CTNNA2: variants seen among roughly 807,000 people sequenced by gnomAD.
The protein encoded by CTNNA2 is catenin alpha 2, also known as catenin alpha-2.
CTNNA2 carries 42 observed loss-of-function variants against 101.0 expected under a neutral mutation model. The ratio of observed to expected loss-of-function variants is 0.42; its 90% CI spans 0.32 to 0.54. CTNNA2 has a LOEUF of 0.54. Among genes scored for constraint, CTNNA2 ranks in the 20% least tolerant of loss-of-function variants. CTNNA2 has a pLI of 0.14. For synonymous variants in CTNNA2, 450 were observed against 456.4 expected (o/e 0.99, Z 0.18); for missense variants, 871 against 1,223.1 (o/e 0.71, Z 4.29).
At chr2:79,404,234 A>C (rs745464787) in intron 4 of CTNNA2, among the ~76,000 whole-genome samples, 5 of 152,010 alleles carry the variant, frequency 3.3e-5, no homozygotes, top group Non-Finnish European at 7.4e-5. Context: ...GGTTGTCATA[A>C]ACTTTGGGTC....
intron 3 of CTNNA2, among the ~76,000 whole-genome samples, chr2:79,765,484 A>T (rs1480776478): frequency 2.0e-5 from 3 of 152,168 alleles, no homozygotes; most frequent in Non-Finnish European, 4.4e-5. Context: ...AGCTTGTTAA[A>T]GTATAAATTC....
In CTNNA2 at chr2:79,829,333, A is replaced by G. The variant is rs560298844; in HGVS notation, c.299-28680A>G. 5.4e-5 allele frequency among the ~76,000 whole-genome samples: 8 copies of G among 149,366 alleles called. No individual in the cohort carries two copies. In the South Asian group the frequency reaches 1.5e-3, roughly 28 times the overall value. On this transcript the variant is annotated intron_variant, in intron 3 of 18. Transcript: ENST00000402739. ...GGAGTTGGAGACCAGCCTGGCTAAT[A>G]TGGTGAAACCCCGTCTCAACTAAAA...
intron 2 of CTNNA2, among the ~76,000 whole-genome samples, chr2:79,243,996 G>A (rs1674666453): frequency 6.6e-6 from 1 of 152,112 alleles, no homozygotes; most frequent in South Asian, 2.1e-4. Context: ...CATGTGGCAA[G>A]AGGGTGATGT....
chr2:80,031,406 G>A (rs1261364467), intron 7 of CTNNA2, among the ~76,000 whole-genome samples: 2 of 152,158 alleles, frequency 1.3e-5, no homozygotes, highest in African/African-American at 2.4e-5. Context: ...CATGGTGGAA[G>A]GCAAGGAGCA....
chr2:79,362,098 C>T (rs4852475), intron 3 of CTNNA2, among the ~76,000 whole-genome samples: 117,014 of 152,088 alleles, frequency 0.77, 45,329 homozygotes, highest in East Asian at 0.96. Flanking sequence ...AATGTCCCAT[C>T]TGGAGCTTAT....
chr2:80,115,047 G>C (rs1010816001), intron 7 of CTNNA2, among the ~76,000 whole-genome samples: 6 of 152,184 alleles, frequency 3.9e-5, no homozygotes, highest in Admixed American at 3.9e-4. Flanking sequence ...AAGGCAATAA[G>C]CAGCTAATGT....
At chr2:80,071,878 G>A (rs1698366322) in intron 7 of CTNNA2, among the ~76,000 whole-genome samples, 1 of 152,122 alleles carries the variant, frequency 6.6e-6, no homozygotes, top group Non-Finnish European at 1.5e-5. Flanking sequence ...CTCGGATTTG[G>A]GGAAAACTTG....
At chr2:80,181,744 T>G (rs1363217503) in intron 7 of CTNNA2, among the ~76,000 whole-genome samples, 1 of 152,230 alleles carries the variant, frequency 6.6e-6, no homozygotes, top group Non-Finnish European at 1.5e-5. Flanking sequence ...GTATTATGTA[T>G]AGAGTCACTG....
At chr2:80,313,041 A>G (rs1483830011) in intron 7 of CTNNA2, among the ~76,000 whole-genome samples, 2 of 152,244 alleles carry the variant, frequency 1.3e-5, no homozygotes, top group East Asian at 3.9e-4. Context: ...TAAATTAAAT[A>G]TAAAAACCTC....
intron 11 of CTNNA2, among the ~76,000 whole-genome samples, chr2:80,549,523 A>G (rs924415236): frequency 1.3e-5 from 2 of 152,202 alleles, no homozygotes; most frequent in Non-Finnish European, 2.9e-5. Context: ...GAAGTTTACA[A>G]TAAAATATGT....
chr2:80,302,680 G>A lies in CTNNA2; in HGVS notation c.1057-90531G>A, dbSNP rs751171315. The stretch of plus-strand genomic sequence containing the variant: ...TGGCAGGGGGCCCCAGATCACTGCG[G>A]TTGGTGACGGCCGAGAGCAGGTGGC... On this transcript the variant is annotated intron_variant, in intron 7 of 18. Transcript: ENST00000402739. The surrounding 1 kb of genome is among the most constrained non-coding windows in gnomAD (Gnocchi z 6.4). 17 of 1,612,084 alleles carry A rather than the reference G, an allele frequency of 1.1e-5. No homozygotes were observed. The Admixed American group carries it at 2.7e-4, about 25-fold the overall frequency.
chr2:79,981,134 G>C (rs970300405), intron 7 of CTNNA2, among the ~76,000 whole-genome samples: 8 of 152,078 alleles, frequency 5.3e-5, no homozygotes, highest in African/African-American at 1.9e-4. Flanking sequence ...GAAAGAGCTT[G>C]AGTTGCACTT....
At chr2:80,484,065 T>A (rs1686355690) in intron 9 of CTNNA2, among the ~76,000 whole-genome samples, 2 of 152,184 alleles carry the variant, frequency 1.3e-5, no homozygotes, top group Admixed American at 6.5e-5. Context: ...TTGAAGAATG[T>A]TCACTAATGA....
At chr2:80,593,078 T>C (rs916957173) in intron 15 of CTNNA2, among the ~76,000 whole-genome samples, 3 of 152,166 alleles carry the variant, frequency 2.0e-5, no homozygotes, top group Non-Finnish European at 4.4e-5. Context: ...GACTTGATGC[T>C]CTTTCCAAGG....
intron 3 of CTNNA2, among the ~76,000 whole-genome samples, chr2:79,359,872 G>A (rs11897194): frequency 0.28 from 42,937 of 152,002 alleles, 6,320 homozygotes; most frequent in Middle Eastern, 0.44. Context: ...AATCTGTAAG[G>A]TCAAACTGTT....
intron 7 of CTNNA2, among the ~76,000 whole-genome samples, chr2:79,971,206 A>G (rs73938435): frequency 0.012 from 1,837 of 152,270 alleles, 38 homozygotes; most frequent in African/African-American, 0.041. Flanking sequence ...TGTAAACTCA[A>G]AAGCAAATGT....
At chr2:79,601,618 T>C (rs143387162) in intron 1 of CTNNA2, among the ~76,000 whole-genome samples, 128 of 152,312 alleles carry the variant, frequency 8.4e-4, no homozygotes, top group Non-Finnish European at 1.5e-3. Flanking sequence ...CATTTACTAG[T>C]ACAAATATTC....
At chr2:79,600,070 G>A (rs892673958) in intron 1 of CTNNA2, among the ~76,000 whole-genome samples, 6 of 152,086 alleles carry the variant, frequency 3.9e-5, no homozygotes, top group Non-Finnish European at 1.5e-5. Flanking sequence ...CAAATTAAGC[G>A]CTAATTACGC....
At chr2:80,036,057 A>C (rs373804085) in intron 7 of CTNNA2, among the ~76,000 whole-genome samples, 1 of 152,296 alleles carries the variant, frequency 6.6e-6, no homozygotes, top group African/African-American at 2.4e-5. Context: ...TTGGGTCTAA[A>C]TCAGGGTTTG....
Sources: allele counts gnomAD v4.1 joint callset (sites outside exome capture counted in the v4.1 genomes callset), GRCh38; gene constraint gnomAD v4.1.1; non-coding constraint Gnocchi (gnomAD v3.1); transcripts MANE v1.5; gene names NCBI Gene and HGNC (gene_info 2026-07-23, HGNC 2026-07-21).